Variants in DDX17 observed in about 807,000 individuals in gnomAD.
The protein encoded by DDX17 is probable ATP-dependent RNA helicase DDX17.
Under a neutral mutation model 80.8 loss-of-function variants are expected in DDX17, and 10 were observed. The observed-to-expected ratio is 0.12, with a 90% confidence interval of 0.08 to 0.21. The LOEUF (loss-of-function observed/expected upper bound fraction) is 0.21. DDX17 is among the 10% of genes least tolerant of loss of function. The probability of loss-of-function intolerance (pLI) is 1.00; values close to 1 mark genes in which losing one functional copy is unlikely to be tolerated. For missense variants in DDX17, 586 were observed against 957.4 expected (o/e 0.61, Z 5.12); for synonymous variants, 339 against 336.2 (o/e 1.01, Z -0.09).
In DDX17 at chr22:38,499,519, GA is replaced by G. The variant is rs2089805514; in HGVS notation, c.439-21del. On this transcript the variant is annotated intron_variant, in intron 2 of 12. Transcript: ENST00000403230. ...CTCATACTATTGAAAAAAAATGAAAGAAGTTAGTAAACTAGTTATTCTAAAC... is the reference window on the plus strand; with the variant it reads ...CTCATACTATTGAAAAAAAATGAAAGAGTTAGTAAACTAGTTATTCTAAAC... 2 of 790,884 alleles carry G rather than the reference GA, an allele frequency of 2.5e-6. No homozygotes were observed. The highest frequency in any genetic ancestry group is 3.6e-6 in the Non-Finnish European group (2 of 562,854). The allele number at this position is 790,884 out of a possible 1,614,324, so 49.0% of individuals were successfully genotyped here.
rs991904571 is a variant in DDX17 at position 38,493,788 on chromosome 22, G to A, written c.1326-17C>T. On this transcript the variant is annotated splice_polypyrimidine_tract_variant and intron_variant, in intron 9 of 12. Coordinates refer to ENST00000403230, the MANE Select transcript of DDX17 (RefSeq NM_006386.5). ...GCTGGCCAACTATCAGAAGAAAAGT[G>A]ACCAATATTTTAAAAATCTTTTAAA... 14 of 1,608,536 alleles carry A rather than the reference G, an allele frequency of 8.7e-6. No homozygotes were observed. Among genetic ancestry groups the A allele is most frequent in the African/African-American group, 6.7e-5 (5 of 74,722 alleles).
intron 9 of DDX17, 37 bp downstream of exon 9, chr22:38,493,984 T>C: frequency 6.6e-7 from 1 of 1,520,230 alleles, no homozygotes; most frequent in Admixed American, 1.9e-5. Context: ...CAGTTAACTA[T>C]AAAACCAGAG....
intron 11 of DDX17, chr22:38,488,731 C>T: frequency 1.0e-6 from 1 of 986,180 alleles, no homozygotes; most frequent in Non-Finnish European, 1.2e-6. Flanking sequence ...TAAGTACACA[C>T]CTATTTTCCT....
chr22:38,490,526 AGT>A, intron 11 of DDX17: 1 of 1,111,656 alleles, frequency 9.0e-7, no homozygotes, highest in Admixed American at 2.4e-5. Flanking sequence ...AAAATATCCC[AGT>A]GGAAAGGGAA....
chr22:38,506,277 C>A lies in DDX17; in HGVS notation c.-40G>T, dbSNP rs916638643. On this transcript the variant is annotated 5_prime_UTR_variant, in exon 1 of 13. Coordinates refer to ENST00000403230, the MANE Select transcript of DDX17 (RefSeq NM_006386.5). Reference sequence around the variant, plus strand: ...AAACCGGGCAGTGCCGCGGTTTAGGCGTCTCCTTCCTTCCCAGCGACTGCA... The same window carrying A: ...AAACCGGGCAGTGCCGCGGTTTAGGAGTCTCCTTCCTTCCCAGCGACTGCA... The A allele has an allele frequency of 2.0e-6, 3 of 1,536,892 alleles. No homozygotes were observed. Among genetic ancestry groups the A allele is most frequent in the East Asian group, 2.4e-5 (1 of 41,810 alleles).
At chr22:38,490,252 A>C in intron 11 of DDX17, 1 of 1,243,966 alleles carries the variant, frequency 8.0e-7, no homozygotes, top group Non-Finnish European at 1.0e-6. Context: ...ATCCAAAGTT[A>C]ATGTTTTGGC....
At position 38,495,065 on chromosome 22, in the gene DDX17, G is replaced by T; in HGVS notation, c.881-19C>A. 6.2e-7 allele frequency: 1 copy of T among 1,607,124 alleles called. No individual in the cohort carries two copies. The highest frequency in any genetic ancestry group is 1.1e-5 in the South Asian group (1 of 90,234). ...TCAACACCTGTAAAACAAAACCAAT[G>T]ATCGAGCCAATCGACTAGGTGCAGT... is the stretch of plus-strand genomic sequence containing the variant. On this transcript the variant is annotated intron_variant, in intron 6 of 12. Transcript: ENST00000403230.
At chr22:38,504,790 G>C (rs748615479) in intron 1 of DDX17, among the ~76,000 whole-genome samples, 5 of 152,008 alleles carry the variant, frequency 3.3e-5, no homozygotes, top group Non-Finnish European at 5.9e-5. Context: ...CTTAATTCCT[G>C]ACAACACAGC....
chr22:38,486,072 A>C lies in DDX17; in HGVS notation c.2053T>G (p.Ser685Ala), dbSNP rs1391153288. The change falls in exon 13 of 13, where the codon TCT becomes GCT. Residue 685 changes from serine to alanine, a missense_variant. Coordinates refer to ENST00000403230, the MANE Select transcript of DDX17 (RefSeq NM_006386.5). The stretch of plus-strand genomic sequence containing the variant: ...ATCAGTGGCTGTGGCTGCTGCCCAG[A>C]CCGGCCTATCCCACTAAACTGCTGG... 6.2e-7 allele frequency: 1 copy of C among 1,613,932 alleles called. No homozygotes were observed. Among genetic ancestry groups the C allele is most frequent in the Non-Finnish European group, 8.5e-7 (1 of 1,180,022 alleles).
At position 38,485,954 on chromosome 22, in the gene DDX17, G is replaced by A. The variant is rs890162424; in HGVS notation, c.2171C>T (p.Pro724Leu). The A allele has an allele frequency of 3.1e-6, 5 of 1,613,788 alleles. No homozygotes were observed. The highest frequency in any genetic ancestry group is 1.1e-5 in the South Asian group (1 of 91,062). ...GTGGTTTCATTTACGTGAAGGAGGA[G>A]GAGGGGGAGGAGGAGGAGGGTATTG... The change falls in exon 13 of 13, where the codon CCT becomes CTT. Residue 724 changes from proline (P) to leucine (L), a missense_variant. Physicochemically the swap from Pro to Leu is moderately conservative, Grantham distance 98. This residue lies in a region of DDX17 where 221 missense variants were observed against 261.4 expected (regional missense o/e 0.85). Coordinates refer to ENST00000403230, the MANE Select transcript of DDX17 (RefSeq NM_006386.5).
In DDX17 at chr22:38,489,190, A is replaced by G. The variant is rs2089690706; in HGVS notation, c.1448-1075T>C. The stretch of plus-strand genomic sequence containing the variant: ...TAGATAAAACACAGATTTTTGTGAT[A>G]TAAATAATTAAAAAACATTCTCTGT... On this transcript the variant is annotated intron_variant, in intron 11 of 12. Transcript: ENST00000403230. The surrounding 1 kb of genome is among the most constrained non-coding windows in gnomAD (Gnocchi z 4.6). 4.1e-6 allele frequency: 4 copies of G among 985,654 alleles called. No homozygotes were observed. Among genetic ancestry groups the G allele is most frequent in the South Asian group, 4.7e-5 (1 of 21,280 alleles). The allele number at this position is 985,654 out of a possible 1,614,324, so 61.1% of individuals were successfully genotyped here.
At chr22:38,497,169 GCCTGTAAT>G (rs1421611698) in intron 5 of DDX17, among the ~76,000 whole-genome samples, 3 of 151,490 alleles carry the variant, frequency 2.0e-5, no homozygotes, top group African/African-American at 4.9e-5. Flanking sequence ...GGCGGCGCAT[GCCTGTAAT>G]CCCAGCTGCT....
intron 2 of DDX17, 66 bp from the exon 3 acceptor site, chr22:38,499,565 A>T: frequency 7.8e-7 from 1 of 1,282,192 alleles, no homozygotes; most frequent in Non-Finnish European, 1.1e-6. Context: ...TTATGTTCCA[A>T]GCTAGCTGAG....
At chr22:38,488,976 T>G in intron 11 of DDX17, 1 of 985,446 alleles carries the variant, frequency 1.0e-6, no homozygotes, top group Middle Eastern at 5.2e-4. Flanking sequence ...ACAAGTTTAG[T>G]ATTCTCTCTA....
intron 1 of DDX17, among the ~76,000 whole-genome samples, chr22:38,502,810 T>C (rs12627803): frequency 0.08 from 12,160 of 152,298 alleles, 656 homozygotes; most frequent in East Asian, 0.2. Flanking sequence ...TTGTAAAATA[T>C]TGTACTGAAT....
chr22:38,503,880 T>G (rs1414230736), intron 1 of DDX17, among the ~76,000 whole-genome samples: 1 of 152,220 alleles, frequency 6.6e-6, no homozygotes, highest in African/African-American at 2.4e-5. Context: ...ATTCAAATAA[T>G]CAAGAACATT....
Position 38,489,329 on chromosome 22 carries a change from C to A in DDX17, c.1448-1214G>T. ...CTTTCGAAAACTCCGCCTTCTGACA[C>A]GGGACCACTGGAGCGCGGGGAGCAT... On this transcript the variant is annotated intron_variant, in intron 11 of 12. Transcript: ENST00000403230. The surrounding 1 kb of genome is among the most constrained non-coding windows in gnomAD (Gnocchi z 4.6). 1.0e-6 allele frequency: 1 copy of A among 985,744 alleles called. No individual in the cohort carries two copies. Among genetic ancestry groups the A allele is most frequent in the Non-Finnish European group, 1.2e-6 (1 of 829,916 alleles). The allele number at this position is 985,744 out of a possible 1,614,324, so 61.1% of individuals were successfully genotyped here.
At chr22:38,500,138 A>G (rs1055185076) in intron 2 of DDX17, among the ~76,000 whole-genome samples, 5 of 149,360 alleles carry the variant, frequency 3.3e-5, no homozygotes, top group African/African-American at 1.2e-4. Context: ...ATCATGCCAC[A>G]GCACTCTAGC....
intron 1 of DDX17, 105 bp downstream of exon 1, chr22:38,505,846 C>G: frequency 2.1e-6 from 3 of 1,400,842 alleles, no homozygotes; most frequent in Non-Finnish European, 2.9e-6. Context: ...CCCCTCGCCT[C>G]CCGGGTCGAG....
Sources: gnomAD v4.1 joint callset for allele counts (sites outside exome capture counted in the v4.1 genomes callset) on GRCh38, gnomAD v4.1.1 for gene constraint, gnomAD v4.1.1 regional missense constraint, Gnocchi (gnomAD v3.1) non-coding constraint, MANE v1.5 for transcripts, NCBI Gene and HGNC (gene_info 2026-07-23, HGNC 2026-07-21) for gene names.